Variants in FHIP1A observed in about 807,000 individuals in gnomAD.
FHIP1A encodes the protein FHF complex subunit HOOK interacting protein 1A.
Under a neutral mutation model 88.6 loss-of-function variants are expected in FHIP1A, and 61 were observed. The ratio of observed to expected loss-of-function variants is 0.69; its 90% CI spans 0.56 to 0.85. The LOEUF (loss-of-function observed/expected upper bound fraction) is 0.85, where lower values mean the gene tolerates loss of function less well. FHIP1A is among the 40% of genes least tolerant of loss of function. FHIP1A has a pLI of 0.00. For synonymous variants in FHIP1A, 478 were observed against 496.0 expected (o/e 0.96, Z 0.48); for missense variants, 1,154 against 1,273.5 (o/e 0.91, Z 1.43).
intron 1 of FHIP1A, among the ~76,000 whole-genome samples, chr4:151,439,591 A>G (rs1038478840): frequency 1.3e-5 from 2 of 152,100 alleles, no homozygotes; most frequent in African/African-American, 2.4e-5. Context: ...TGGTGGTTCT[A>G]CATTTTCTCC....
chr4:151,420,546 GC>G (rs1328039908), intron 1 of FHIP1A, among the ~76,000 whole-genome samples: 18 of 152,186 alleles, frequency 1.2e-4, no homozygotes, highest in African/African-American at 4.3e-4. Context: ...ATCTTTCTTG[GC>G]TGTCTTTTCC....
chr4:151,629,893 G>T (rs1736092044), intron 8 of FHIP1A, 24 bp downstream of exon 8: 1 of 1,543,358 alleles, frequency 6.5e-7, no homozygotes, highest in Admixed American at 2.0e-5. Flanking sequence ...CAGAGGAAGG[G>T]AACTTACAAC....
At chr4:151,512,330 G>C (rs1731067447) in intron 3 of FHIP1A, among the ~76,000 whole-genome samples, 1 of 152,184 alleles carries the variant, frequency 6.6e-6, no homozygotes, top group Non-Finnish European at 1.5e-5. Flanking sequence ...AAACCACAAA[G>C]ATGGGGAAAA....
chr4:151,545,163 A>T (rs79223219), intron 3 of FHIP1A, among the ~76,000 whole-genome samples: 1 of 152,190 alleles, frequency 6.6e-6, no homozygotes, highest in African/African-American at 2.4e-5. Context: ...TCTGGGTAGC[A>T]TGGATTAATA....
rs915403763 is a variant in FHIP1A at position 151,650,308 on chromosome 4, A to C, written c.2267A>C (p.Asp756Ala). ...PESEELIAQYDQIIKELDSGA... is the reference protein window; with the variant it reads ...PESEELIAQYAQIIKELDSGA... ...AGCGAGGAGCTCATTGCCCAGTATGACCAAATCATTAAAGAGCTGGATTCC... is the reference window on the plus strand; with the variant it reads ...AGCGAGGAGCTCATTGCCCAGTATGCCCAAATCATTAAAGAGCTGGATTCC... The change falls in exon 11 of 14, where the codon GAC (aspartate) becomes GCC (alanine). Residue 756 changes from aspartate (D) to alanine (A), a missense_variant. Transcript: ENST00000435205. 1.3e-6 allele frequency: 2 copies of C among 1,551,602 alleles called. No individual in the cohort carries two copies. The highest frequency in any genetic ancestry group is 1.7e-6 in the Non-Finnish European group (2 of 1,147,006).
intron 7 of FHIP1A, among the ~76,000 whole-genome samples, chr4:151,595,395 C>A (rs576483804): frequency 1.3e-5 from 2 of 152,244 alleles, no homozygotes; most frequent in East Asian, 1.9e-4. Context: ...GTCTGAGAGA[C>A]TGTTATGATT....
chr4:151,419,294 T>C (rs2709823), intron 1 of FHIP1A, among the ~76,000 whole-genome samples: 77,283 of 152,018 alleles, frequency 0.51, 19,923 homozygotes, highest in Non-Finnish European at 0.55. Flanking sequence ...CCTGGGACAT[T>C]GGTCTTCTCC....
chr4:151,494,225 C>T lies in FHIP1A; in HGVS notation c.-123+11577C>T, dbSNP rs933123851. On this transcript the variant is annotated intron_variant, in intron 3 of 13. Coordinates refer to ENST00000435205, the MANE Select transcript of FHIP1A (RefSeq NM_001109977.3). ...GTGCAGTTGCAATTGCTGTTGGTGCCTTTGTCATGAAATCTTTGCCAGGGC... is the reference window on the plus strand; with the variant it reads ...GTGCAGTTGCAATTGCTGTTGGTGCTTTTGTCATGAAATCTTTGCCAGGGC... 2.0e-5 allele frequency among the ~76,000 whole-genome samples: 3 copies of T among 152,028 alleles called. No individual in the cohort carries two copies. In the South Asian group the frequency reaches 6.2e-4, roughly 32 times the overall value.
intron 3 of FHIP1A, among the ~76,000 whole-genome samples, chr4:151,514,934 A>G (rs1161922490): frequency 6.6e-6 from 1 of 152,308 alleles, no homozygotes; most frequent in South Asian, 2.1e-4. Context: ...AAAAGAGGGA[A>G]TCCTCCCTAA....
chr4:151,608,829 A>G (rs1179538130), intron 7 of FHIP1A, among the ~76,000 whole-genome samples: 1 of 152,236 alleles, frequency 6.6e-6, no homozygotes, highest in Admixed American at 6.5e-5. Context: ...TGAGCAAGGT[A>G]TTAAACTGGA....
At chr4:151,578,130 T>A in intron 5 of FHIP1A, 54 bp downstream of exon 5, 1 of 1,453,720 alleles carries the variant, frequency 6.9e-7, no homozygotes, top group Non-Finnish European at 9.3e-7. Context: ...TCTCTTCTGT[T>A]GCTAGTGATG....
intron 8 of FHIP1A, among the ~76,000 whole-genome samples, chr4:151,631,349 A>G (rs1423831827): frequency 1.3e-5 from 2 of 152,162 alleles, no homozygotes; most frequent in Non-Finnish European, 2.9e-5. Context: ...ATGAGCAACT[A>G]TATGCCAAAG....
At chr4:151,442,161 A>C (rs531745165) in intron 1 of FHIP1A, among the ~76,000 whole-genome samples, 15 of 152,280 alleles carry the variant, frequency 9.9e-5, no homozygotes, top group African/African-American at 2.4e-4. Flanking sequence ...ACAGAATGAC[A>C]GGCAGTGGGA....
chr4:151,560,236 C>T (rs560266213), intron 3 of FHIP1A, among the ~76,000 whole-genome samples: 7 of 152,268 alleles, frequency 4.6e-5, no homozygotes, highest in African/African-American at 7.2e-5. Flanking sequence ...GTAAGCATCA[C>T]ATCATCTGGA....
At position 151,649,698 on chromosome 4, in the gene FHIP1A, G is replaced by A. The variant is rs763507820; in HGVS notation, c.1657G>A (p.Gly553Arg). The A allele has an allele frequency of 6.4e-6, 10 of 1,551,456 alleles. No individual in the cohort carries two copies. Among genetic ancestry groups the A allele is most frequent in the East Asian group, 2.4e-5 (1 of 40,896 alleles). ...GSVSSACPVF[G>R]LPQQLPRKTG... ...TGTGAGCTCGGCCTGCCCTGTGTTC[G>A]GGCTCCCGCAACAACTCCCCAGGAA... The change falls in exon 11 of 14, where the codon GGG becomes AGG. Residue 553 changes from glycine (G) to arginine (R), a missense_variant. Physicochemically the swap from Gly to Arg is moderately radical, Grantham distance 125. Transcript: ENST00000435205.
At chr4:151,580,534 A>G (rs1733982377) in intron 5 of FHIP1A, among the ~76,000 whole-genome samples, 1 of 152,214 alleles carries the variant, frequency 6.6e-6, no homozygotes, top group Non-Finnish European at 1.5e-5. Context: ...ATAAATTGGT[A>G]TAGTAACTCA....
intron 7 of FHIP1A, among the ~76,000 whole-genome samples, chr4:151,605,683 TG>T (rs1735046854): frequency 6.6e-6 from 1 of 152,238 alleles, no homozygotes; most frequent in Admixed American, 6.5e-5. Flanking sequence ...GGAGCCCATT[TG>T]TTTTACAAGC....
At chr4:151,444,853 C>G (rs1391727034) in intron 1 of FHIP1A, among the ~76,000 whole-genome samples, 2 of 152,154 alleles carry the variant, frequency 1.3e-5, no homozygotes, top group Admixed American at 6.6e-5. Context: ...CAATTTTTTA[C>G]TGTATACTCA....
intron 2 of FHIP1A, among the ~76,000 whole-genome samples, chr4:151,481,569 A>G (rs1729896532): frequency 6.6e-6 from 1 of 152,024 alleles, no homozygotes; most frequent in Non-Finnish European, 1.5e-5. Flanking sequence ...TTGAGGGCAA[A>G]TCCATAGAGT....
Sources: gnomAD v4.1 joint callset for allele counts (sites outside exome capture counted in the v4.1 genomes callset) on GRCh38, gnomAD v4.1.1 for gene constraint, MANE v1.5 for transcripts, NCBI Gene and HGNC (gene_info 2026-07-23, HGNC 2026-07-21) for gene names.